VIP: variants seen among roughly 807,000 people sequenced by gnomAD.
VIP encodes vasoactive intestinal peptide.
VIP carries 18 observed loss-of-function variants against 20.1 expected under a neutral mutation model. The ratio of observed to expected loss-of-function variants is 0.90; its 90% CI spans 0.62 to 1.33. The LOEUF (loss-of-function observed/expected upper bound fraction) is 1.33, where lower values mean the gene tolerates loss of function less well. Ranked by LOEUF, VIP falls within the 40% of genes most tolerant of loss-of-function variation. The probability of loss-of-function intolerance (pLI) is 0.00; values close to 1 mark genes in which losing one functional copy is unlikely to be tolerated. For missense variants in VIP, 209 were observed against 199.4 expected (o/e 1.05, Z -0.29); for synonymous variants, 70 against 68.1 (o/e 1.03, Z -0.14).
At position 152,754,413 on chromosome 6, in the gene VIP, T is replaced by C. The variant is rs998437640; in HGVS notation, c.230+125T>C. 9.0e-6 allele frequency: 8 copies of C among 885,512 alleles called. No individual in the cohort carries two copies. In the South Asian group the frequency reaches 1.5e-4, roughly 17 times the overall value. 54.9% of individuals were successfully genotyped at this position (885,512 alleles called of 1,614,324 possible). A position where few individuals can be genotyped will look rare whatever the true frequency, so the allele number is the denominator to read the frequency against. On this transcript the variant is annotated intron_variant, in intron 3 of 6. Transcript: ENST00000367244. The stretch of plus-strand genomic sequence containing the variant: ...GATAGCAAAACACTAGAGGTTTCTA[T>C]GTGTCATGGCTTCATTCATCCTGAT...
At chr6:152,753,549 TA>T (rs567788981) in intron 2 of VIP, among the ~76,000 whole-genome samples, 60 of 152,186 alleles carry the variant, frequency 3.9e-4, no homozygotes, top group African/African-American at 1.4e-3. Flanking sequence ...GAAGGCCCCA[TA>T]AAACTTATTG....
At position 152,758,975 on chromosome 6, in the gene VIP, A is replaced by G. The variant is rs1419094418; in HGVS notation, c.*109A>G. The stretch of plus-strand genomic sequence containing the variant: ...GAGTTCTACATAAGTAATTCAAGAA[A>G]ACAACTTCAATATCCAAACCAAATA... On this transcript the variant is annotated 3_prime_UTR_variant, in exon 7 of 7. Transcript: ENST00000367244. The G allele has an allele frequency of 6.6e-6, 1 of 152,482 alleles. No individual in the cohort carries two copies. Among genetic ancestry groups the G allele is most frequent in the Non-Finnish European group, 1.5e-5 (1 of 67,954 alleles). The allele number at this position is 152,482 out of a possible 1,614,324, so 9.4% of individuals were successfully genotyped here.
chr6:152,754,034 T>A, intron 2 of VIP, 132 bp from the exon 3 acceptor site: 1 of 988,586 alleles, frequency 1.0e-6, no homozygotes, highest in South Asian at 2.4e-5. Context: ...TAAGTCAAAT[T>A]ATGCTATTCT....
Position 152,756,667 on chromosome 6 carries a change from C to T in VIP, c.467+402C>T, listed in dbSNP as rs539978807. Reference sequence around the variant, plus strand: ...ATTTGGTAACACATGGAACTCACTTCGTGTGCATATTCACTACTGTTATTT... The same window carrying T: ...ATTTGGTAACACATGGAACTCACTTTGTGTGCATATTCACTACTGTTATTT... On this transcript the variant is annotated intron_variant, in intron 5 of 6. Transcript: ENST00000367244. Among the ~76,000 whole-genome samples, 64 of 152,074 alleles carry T rather than the reference C, an allele frequency of 4.2e-4. 1 individual carries two copies. In the South Asian group the frequency reaches 0.013, roughly 31 times the overall value.
At chr6:152,753,052 T>C (rs564589742) in intron 2 of VIP, among the ~76,000 whole-genome samples, 2 of 152,158 alleles carry the variant, frequency 1.3e-5, no homozygotes, top group Non-Finnish European at 2.9e-5. Flanking sequence ...TTGGTTTCCT[T>C]CTTTGCTTAT....
Position 152,753,003 on chromosome 6 carries a change from G to A in VIP, c.107+719G>A, listed in dbSNP as rs548955907. ...AGCTTGAATTTTCCTTTCAGTTTAC[G>A]GGCACCACTGTATCTCCAAAGGAAA... On this transcript the variant is annotated intron_variant, in intron 2 of 6. Coordinates refer to ENST00000367244, the MANE Select transcript of VIP (RefSeq NM_003381.4). Among the ~76,000 whole-genome samples the A allele has an allele frequency of 2.2e-4, 34 of 151,940 alleles. No homozygotes were observed. The South Asian group carries it at 4.8e-3, about 21-fold the overall frequency.
intron 3 of VIP, 146 bp downstream of exon 3, chr6:152,754,434 C>A: frequency 1.4e-6 from 1 of 735,282 alleles, no homozygotes; most frequent in Non-Finnish European, 2.1e-6. Flanking sequence ...TTCATTCATC[C>A]TGATTTACTG....
At chr6:152,755,914 A>G (rs1388261976) in intron 4 of VIP, among the ~76,000 whole-genome samples, 1 of 151,894 alleles carries the variant, frequency 6.6e-6, no homozygotes, top group Admixed American at 6.6e-5. Context: ...GCTGTACAGA[A>G]TGTGTCATAA....
intron 1 of VIP, among the ~76,000 whole-genome samples, chr6:152,751,356 T>C (rs1333713191): frequency 6.6e-6 from 1 of 152,144 alleles, no homozygotes; most frequent in Middle Eastern, 3.2e-3. Context: ...GAATCTAAGA[T>C]GCATTTATTT....
chr6:152,754,146 C>A lies in VIP; in HGVS notation c.108-20C>A. 4 of 1,605,508 alleles carry A rather than the reference C, an allele frequency of 2.5e-6. No homozygotes were observed. Among genetic ancestry groups the A allele is most frequent in the African/African-American group, 1.3e-5 (1 of 74,628 alleles). ...TTCTGAAAAAAGAATGTATTATTCT[C>A]GTGTAACTTTCCCCATCAGGTTGGG... On this transcript the variant is annotated intron_variant, in intron 2 of 6. Coordinates refer to ENST00000367244, the MANE Select transcript of VIP (RefSeq NM_003381.4).
chr6:152,755,292 T>C lies in VIP; in HGVS notation c.254T>C (p.Val85Ala). 1 of 1,585,838 alleles carries C rather than the reference T, an allele frequency of 6.3e-7. No individual in the cohort carries two copies. Among genetic ancestry groups the C allele is most frequent in the South Asian group, 1.2e-5 (1 of 84,736 alleles). The change falls in exon 4 of 7, where the codon GTT becomes GCT. Residue 85 changes from valine (V) to alanine (A), a missense_variant. Val to Ala is a moderately conservative substitution (Grantham distance 64). Transcript: ENST00000367244. The part of the protein sequence containing the change: ...VSRNARHADG[V>A]FTSDFSKLLG... ...AGAAATGCCAGGCATGCTGATGGAGTTTTCACCAGTGACTTCAGTAAACTC... is the reference window on the plus strand; with the variant it reads ...AGAAATGCCAGGCATGCTGATGGAGCTTTCACCAGTGACTTCAGTAAACTC...
chr6:152,757,502 G>A (rs1193575000), intron 6 of VIP, among the ~76,000 whole-genome samples: 2 of 151,886 alleles, frequency 1.3e-5, no homozygotes. Flanking sequence ...GACTCACACT[G>A]ACAAGAAAAA....
chr6:152,756,091 T>C, intron 4 of VIP, 43 bp from the exon 5 acceptor site: 1 of 1,462,606 alleles, frequency 6.8e-7, no homozygotes, highest in Non-Finnish European at 9.1e-7. Flanking sequence ...ATTTATCATT[T>C]CTTGTGAAAA....
intron 5 of VIP, among the ~76,000 whole-genome samples, chr6:152,756,768 T>C (rs2099730487): frequency 6.6e-6 from 1 of 151,976 alleles, no homozygotes; most frequent in Non-Finnish European, 1.5e-5. Context: ...GTGTAAATAT[T>C]GGACACAATA....
intron 6 of VIP, among the ~76,000 whole-genome samples, chr6:152,757,778 T>G (rs899548239): frequency 6.6e-6 from 1 of 151,812 alleles, no homozygotes; most frequent in Non-Finnish European, 1.5e-5. Flanking sequence ...CTGCCAACAT[T>G]TTTTTTGAGC....
chr6:152,752,264 C>T lies in VIP; in HGVS notation c.87C>T (p.Tyr29=), dbSNP rs750062971. The T allele has an allele frequency of 1.2e-6, 2 of 1,613,220 alleles. No individual in the cohort carries two copies. Among genetic ancestry groups the T allele is most frequent in the Non-Finnish European group, 1.7e-6 (2 of 1,179,596 alleles). ...LFSQTSAWPL[Y]RAPSALRLGD... is the part of the protein sequence containing the mutation. ...CACAGACTTCGGCATGGCCTCTTTA[C>T]AGGGCACCTTCTGCTCTCAGGTAAG... The change falls in exon 2 of 7, where the codon TAC becomes TAT. Residue 29 remains tyrosine, a synonymous_variant. Transcript: ENST00000367244.
chr6:152,754,201 A>C lies in VIP; in HGVS notation c.143A>C (p.Glu48Ala), dbSNP rs2099730075. 1 of 1,611,774 alleles carries C rather than the reference A, an allele frequency of 6.2e-7. No individual in the cohort carries two copies. Among genetic ancestry groups the C allele is most frequent in the Admixed American group, 1.7e-5 (1 of 59,798 alleles). The stretch of plus-strand genomic sequence containing the variant: ...AGAATACCCTTTGAGGGAGCAAATG[A>C]ACCTGATCAAGTTTCATTAAAAGAA... ...GDRIPFEGAN[E>A]PDQVSLKEDI... Residue 48 changes from glutamate to alanine, a missense_variant, in exon 3 of 7, where the codon GAA (glutamate) becomes GCA (alanine). By Grantham distance (107) the Glu-to-Ala change is moderately radical. Coordinates refer to ENST00000367244, the MANE Select transcript of VIP (RefSeq NM_003381.4).
At chr6:152,751,896 A>G (rs2099729702) in intron 1 of VIP, among the ~76,000 whole-genome samples, 1 of 152,154 alleles carries the variant, frequency 6.6e-6, no homozygotes, top group African/African-American at 2.4e-5. Flanking sequence ...GGTTATTTCC[A>G]GCACTATAGA....
rs752007545 is a variant in VIP, at chr6:152,756,198, T to C, written c.400T>C (p.Tyr134His). Reference sequence around the variant, plus strand: ...CTCAGATGCAGTCTTCACTGACAACTATACCCGCCTTAGAAAACAAATGGC... The same window carrying C: ...CTCAGATGCAGTCTTCACTGACAACCATACCCGCCTTAGAAAACAAATGGC... ...RHSDAVFTDN[Y>H]TRLRKQMAVK... Residue 134 changes from tyrosine (Y) to histidine (H), a missense_variant, in exon 5 of 7, where the codon TAT becomes CAT. Coordinates refer to ENST00000367244, the MANE Select transcript of VIP (RefSeq NM_003381.4). The C allele has an allele frequency of 2.1e-5, 34 of 1,611,820 alleles. No individual in the cohort carries two copies. The highest frequency in any genetic ancestry group is 2.9e-5 in the Non-Finnish European group (34 of 1,178,584).
Sources: allele counts gnomAD v4.1 joint callset (sites outside exome capture counted in the v4.1 genomes callset), GRCh38; gene constraint gnomAD v4.1.1; transcripts MANE v1.5; gene names NCBI Gene and HGNC (gene_info 2026-07-23, HGNC 2026-07-21).